SMIM9: variants seen among roughly 807,000 people sequenced by gnomAD.
SMIM9 encodes the protein chromosome X open reading frame 68.
SMIM9 carries 8 observed loss-of-function variants against 7.2 expected under a neutral mutation model. That is an observed-to-expected ratio of 1.10 (90% CI 0.65 to 1.99). SMIM9 has a LOEUF of 1.99. Ranked by LOEUF, SMIM9 falls within the 30% of genes most tolerant of loss-of-function variation. The pLI is 0.00. For missense variants in SMIM9, 76 were observed against 69.3 expected (o/e 1.10, Z -0.34); for synonymous variants, 19 against 26.4 (o/e 0.72, Z 0.86).
In SMIM9 at chrX:154,830,932, T is replaced by C; in HGVS notation, c.-76A>G. On this transcript the variant is annotated 5_prime_UTR_variant, in exon 3 of 5. Transcript: ENST00000369529. ...TGCCAAGGAGAGATGTCTTTGTCCG[T>C]AGGTCTTTCCACAGAAACTTTGTCT... 9.6e-7 allele frequency: 1 copy of C among 1,041,762 alleles called. No individual in the cohort carries two copies. The highest frequency in any genetic ancestry group is 1.3e-6 in the Non-Finnish European group (1 of 785,084). The allele number at this position is 1,041,762 out of a possible 1,213,427, so 85.9% of individuals were successfully genotyped here.
intron 4 of SMIM9, among the ~76,000 whole-genome samples, chrX:154,826,445 A>G (rs782774432): frequency 4.1e-4 from 46 of 111,167 alleles, no homozygotes; most frequent in African/African-American, 1.4e-3. Flanking sequence ...TATTATTGAG[A>G]TGAGGTCTTG....
intron 2 of SMIM9, among the ~76,000 whole-genome samples, chrX:154,831,343 A>C (rs1442851432): frequency 9.8e-5 from 11 of 112,218 alleles, no homozygotes; most frequent in African/African-American, 1.6e-4. Flanking sequence ...AAATATAATA[A>C]ATTTCTATAT....
At chrX:154,830,183 T>G (rs1557270457) in intron 3 of SMIM9, among the ~76,000 whole-genome samples, 1 of 111,140 alleles carries the variant, frequency 9.0e-6, no homozygotes, top group African/African-American at 3.3e-5. Context: ...CATTAGCAAC[T>G]GGGGGAGGAA....
At chrX:154,824,563 A>T (rs2072412886) in intron 4 of SMIM9, among the ~76,000 whole-genome samples, 1 of 111,239 alleles carries the variant, frequency 9.0e-6, no homozygotes, top group Non-Finnish European at 1.9e-5. Context: ...ATTAGACTAA[A>T]CTATATATCT....
At position 154,829,592 on chromosome X, in the gene SMIM9, G is replaced by A; in HGVS notation, c.215C>T (p.Ala72Val). ...WQLIKSALPP[A>V]AIVAFLLTSA... ...GGTGAGAAGAAAAGCAACAATGGCT[G>A]CTGGAGGTAAGGCACTCTTGATAAG... Residue 72 changes from alanine (A) to valine (V), a missense_variant, in exon 4 of 5, where the codon GCA becomes GTA. Physicochemically the swap from Ala to Val is moderately conservative, Grantham distance 64. Coordinates refer to ENST00000369529, the MANE Select transcript of SMIM9 (RefSeq NM_001162936.4). 1 of 1,167,691 alleles carries A rather than the reference G, an allele frequency of 8.6e-7. No homozygotes were observed. Among genetic ancestry groups the A allele is most frequent in the Non-Finnish European group, 1.1e-6 (1 of 872,841 alleles).
rs782520930 is a variant in SMIM9, at chrX:154,833,381, T to C, written c.-209-698A>G. 2.7e-5 allele frequency among the ~76,000 whole-genome samples: 3 copies of C among 112,303 alleles called. No individual in the cohort carries two copies. In the South Asian group the frequency reaches 1.1e-3, roughly 41 times the overall value. On this transcript the variant is annotated intron_variant, in intron 1 of 4. Coordinates refer to ENST00000369529, the MANE Select transcript of SMIM9 (RefSeq NM_001162936.4). ...GGCAGACGCCTGTCATCCCAGCACT[T>C]TGGGAGGCTGAGACAGGAGGATAGC...
intron 4 of SMIM9, among the ~76,000 whole-genome samples, chrX:154,825,946 G>C (rs2072419925): frequency 9.4e-6 from 1 of 105,890 alleles, no homozygotes. Flanking sequence ...GGGAGGGATA[G>C]CATTAGGAGA....
rs1328329969 is a variant in SMIM9 at position 154,825,970 on chromosome X, A to C, written c.273-2188T>G. Among the ~76,000 whole-genome samples, 4 of 109,316 alleles carry C rather than the reference A, an allele frequency of 3.7e-5. No individual in the cohort carries two copies. The East Asian group carries it at 1.1e-3, about 31-fold the overall frequency. The allele number at this position is 109,316 out of a possible 115,157, so 94.9% of individuals were successfully genotyped here. A position where few individuals can be genotyped will look rare whatever the true frequency, so the allele number is the denominator to read the frequency against. On this transcript the variant is annotated intron_variant, in intron 4 of 4. Transcript: ENST00000369529. ...AGCATTAGGAGATATACCTAATGCT[A>C]AATGACCAGTTAATGGGTGCAGCAC...
At chrX:154,827,173 T>C (rs923042537) in intron 4 of SMIM9, among the ~76,000 whole-genome samples, 10 of 112,629 alleles carry the variant, frequency 8.9e-5, no homozygotes, top group African/African-American at 3.2e-4. Flanking sequence ...CTCTGAATAT[T>C]AATTAACCAA....
chrX:154,829,150 T>C (rs1203211600), intron 4 of SMIM9, among the ~76,000 whole-genome samples: 1 of 112,446 alleles, frequency 8.9e-6, no homozygotes. Context: ...CTTCATATGA[T>C]TTATGTAGAT....
chrX:154,823,854 T>C lies in SMIM9; in HGVS notation c.273-72A>G, dbSNP rs962237609. The C allele has an allele frequency of 4.0e-6, 4 of 1,012,270 alleles. No homozygotes were observed. The African/African-American group carries it at 7.8e-5, about 20-fold the overall frequency. The allele number at this position is 1,012,270 out of a possible 1,213,427, so 83.4% of individuals were successfully genotyped here. On this transcript the variant is annotated intron_variant, in intron 4 of 4. Transcript: ENST00000369529. ...TATAATTATATAACCTTTTCAAAGA[T>C]TGGATTTGACACCAGTTTTTCTCTT...
intron 4 of SMIM9, among the ~76,000 whole-genome samples, chrX:154,824,373 A>AAG (rs2072411853): frequency 9.4e-6 from 1 of 106,292 alleles, no homozygotes. Flanking sequence ...AAAAAAAAAA[A>AAG]AAAGAAAAAG....
Position 154,830,749 on chromosome X carries a change from T to C in SMIM9, c.108A>G (p.Ile36Met). Residue 36 changes from isoleucine to methionine, a missense_variant, in exon 3 of 5, where the codon ATA becomes ATG. Transcript: ENST00000369529. ...GTGGTTTCGATCCTGTTTTTTCTTGTATTCCCAAGGCAGACAAAGGCAAAG... is the reference window on the plus strand; with the variant it reads ...GTGGTTTCGATCCTGTTTTTTCTTGCATTCCCAAGGCAGACAAAGGCAAAG... ...SSPLPLSALG[I>M]QEKTGSKPRS... The C allele has an allele frequency of 2.1e-5, 24 of 1,167,763 alleles. No individual in the cohort carries two copies. The highest frequency in any genetic ancestry group is 2.7e-5 in the Non-Finnish European group (24 of 872,889).
At chrX:154,828,803 T>G (rs1261616066) in intron 4 of SMIM9, among the ~76,000 whole-genome samples, 1 of 111,788 alleles carries the variant, frequency 8.9e-6, no homozygotes, top group Non-Finnish European at 1.9e-5. Flanking sequence ...ACACCCTTAA[T>G]CTGATCTTTA....
chrX:154,826,793 G>T (rs2072423908), intron 4 of SMIM9, among the ~76,000 whole-genome samples: 1 of 112,403 alleles, frequency 8.9e-6, no homozygotes, highest in Non-Finnish European at 1.9e-5. Context: ...CACAAGTCCA[G>T]AGCTATACTT....
At chrX:154,824,322 C>G (rs2072410660) in intron 4 of SMIM9, among the ~76,000 whole-genome samples, 1 of 93,066 alleles carries the variant, frequency 1.1e-5, no homozygotes, top group South Asian at 5.5e-4. Flanking sequence ...CGCCACTGCA[C>G]TCCAGCCTGG....
chrX:154,825,613 A>G (rs1469399475), intron 4 of SMIM9, among the ~76,000 whole-genome samples: 1 of 110,074 alleles, frequency 9.1e-6, no homozygotes, highest in Non-Finnish European at 1.9e-5. Context: ...ATAAAGACAC[A>G]TGCACACGTA....
intron 4 of SMIM9, among the ~76,000 whole-genome samples, chrX:154,825,545 T>C (rs1320759450): frequency 9.0e-6 from 1 of 110,988 alleles, no homozygotes; most frequent in Non-Finnish European, 1.9e-5. Flanking sequence ...AGAAATACCA[T>C]TTGACCCAGC....
intron 1 of SMIM9, among the ~76,000 whole-genome samples, chrX:154,833,301 G>A (rs1298838935): frequency 8.9e-6 from 1 of 112,329 alleles, no homozygotes; most frequent in Non-Finnish European, 1.9e-5. Flanking sequence ...GATTGTTAAC[G>A]TACAAAGAAC....
Sources: allele counts gnomAD v4.1 joint callset (sites outside exome capture counted in the v4.1 genomes callset), GRCh38; gene constraint gnomAD v4.1.1; transcripts MANE v1.5; gene names NCBI Gene and HGNC (gene_info 2026-07-23, HGNC 2026-07-21).